COL9A2: variants seen among roughly 807,000 people sequenced by gnomAD.
COL9A2 encodes collagen type IX alpha 2 chain, also known as collagen alpha-2(IX) chain.
In COL9A2, 66 loss-of-function variants were observed where a neutral mutation model predicts 111.6. The ratio of observed to expected loss-of-function variants is 0.59; its 90% CI spans 0.48 to 0.73. The LOEUF (loss-of-function observed/expected upper bound fraction) is 0.73. Among genes scored for constraint, COL9A2 ranks in the 30% least tolerant of loss-of-function variants. The pLI is 0.00. For missense variants in COL9A2, 881 were observed against 954.1 expected (o/e 0.92, Z 1.01); for synonymous variants, 353 against 364.1 (o/e 0.97, Z 0.35).
Position 40,303,957 on chromosome 1 carries a change from C to G in COL9A2, c.1339G>C (p.Ala447Pro). The change falls in exon 26 of 32, where the codon GCC becomes CCC. Residue 447 changes from alanine to proline, a missense_variant. Coordinates refer to ENST00000372748, the MANE Select transcript of COL9A2 (RefSeq NM_001852.4). The surrounding 1 kb of genome is among the most constrained non-coding windows in gnomAD (Gnocchi z 4.6). ...TCGCCTTTCTCTCCGGGGAGGCCGG[C>G]CACCCCTGGGTCACCCTGCAGAGAG... ...PRGKVGDPGVAGLPGEKGEKG... is the reference protein window; with the variant it reads ...PRGKVGDPGVPGLPGEKGEKG... 1 of 1,562,730 alleles carries G rather than the reference C, an allele frequency of 6.4e-7. No homozygotes were observed. Among genetic ancestry groups the G allele is most frequent in the Non-Finnish European group, 8.7e-7 (1 of 1,153,120 alleles).
Position 40,303,861 on chromosome 1 carries a change from G to C in COL9A2, c.1369-22C>G. 1 of 1,551,692 alleles carries C rather than the reference G, an allele frequency of 6.4e-7. No homozygotes were observed. Reference sequence around the variant, plus strand: ...CGCCCTGCAGGCACAAGGAGCAGCGGTCACGAAGCCGCGGGGACCCCGGGG... The same window carrying C: ...CGCCCTGCAGGCACAAGGAGCAGCGCTCACGAAGCCGCGGGGACCCCGGGG... On this transcript the variant is annotated intron_variant, in intron 26 of 31. Transcript: ENST00000372748. The surrounding 1 kb of genome is among the most constrained non-coding windows in gnomAD (Gnocchi z 4.6).
chr1:40,305,970 G>A (rs1332837224), intron 20 of COL9A2, among the ~76,000 whole-genome samples, 173 bp downstream of exon 20: 1 of 152,230 alleles, frequency 6.6e-6, no homozygotes, highest in Non-Finnish European at 1.5e-5. Flanking sequence ...TATCTGCACT[G>A]AGGCAGGCTG....
Position 40,314,476 on chromosome 1 carries a change from G to T in COL9A2, c.151-89C>A. On this transcript the variant is annotated intron_variant, in intron 2 of 31. Transcript: ENST00000372748. This position sits in a 1 kb window ranked among gnomAD's most constrained non-coding sequence, Gnocchi z 4.1. ...AGGCCCTGGCAGGCCGCTCCCAAAG[G>T]CTCTCCTCACTCTCCTCTCTTCTGT... 6.7e-7 allele frequency: 1 copy of T among 1,490,286 alleles called. No homozygotes were observed. Among genetic ancestry groups the T allele is most frequent in the Non-Finnish European group, 9.4e-7 (1 of 1,068,052 alleles). 92.3% of individuals were successfully genotyped at this position (1,490,286 alleles called of 1,614,324 possible).
rs1296663925 is a variant in COL9A2, at chr1:40,314,387, C to T, written c.151G>A (p.Gly51Ser). ...PGVPGSDGIDGDNGPPGKAGP... is the reference protein window; with the variant it reads ...PGVPGSDGIDSDNGPPGKAGP... Reference sequence around the variant, plus strand: ...GCTTTTCCAGGGGGCCCATTGTCACCCTGCAAGATACAAGTTGGTGAGACA... The same window carrying T: ...GCTTTTCCAGGGGGCCCATTGTCACTCTGCAAGATACAAGTTGGTGAGACA... The change falls in exon 3 of 32, where the codon GGT (glycine) becomes AGT (serine). Residue 51 changes from glycine (G) to serine (S), a missense_variant and splice_region_variant. By Grantham distance (56) the Gly-to-Ser change is moderately conservative. Coordinates refer to ENST00000372748, the MANE Select transcript of COL9A2 (RefSeq NM_001852.4). This position sits in a 1 kb window ranked among gnomAD's most constrained non-coding sequence, Gnocchi z 4.1. 10 of 1,614,030 alleles carry T rather than the reference C, an allele frequency of 6.2e-6. No individual in the cohort carries two copies. The highest frequency in any genetic ancestry group is 8.5e-6 in the Non-Finnish European group (10 of 1,180,038).
rs1017030218 is a variant in COL9A2 at position 40,303,432 on chromosome 1, C to G, written c.1548+98G>C. ...GGCTTGGAACCAGTCTCGGGGAAGT[C>G]GGTGAGTCTCTGGGAATCCCTAGCC... On this transcript the variant is annotated intron_variant, in intron 28 of 31. Coordinates refer to ENST00000372748, the MANE Select transcript of COL9A2 (RefSeq NM_001852.4). The surrounding 1 kb of genome is among the most constrained non-coding windows in gnomAD (Gnocchi z 4.6). The G allele has an allele frequency of 2.6e-6, 4 of 1,519,442 alleles. No homozygotes were observed. The highest frequency in any genetic ancestry group is 2.8e-5 in the African/African-American group (2 of 72,500). 94.1% of individuals were successfully genotyped at this position (1,519,442 alleles called of 1,614,324 possible).
At chr1:40,315,527 G>T in intron 2 of COL9A2, 63 bp downstream of exon 2, 1 of 1,426,072 alleles carries the variant, frequency 7.0e-7, no homozygotes, top group Non-Finnish European at 9.6e-7. Context: ...CCACCACAGC[G>T]CTCACAAAGT....
chr1:40,308,329 T>G, intron 16 of COL9A2, 84 bp from the exon 17 acceptor site: 1 of 1,419,222 alleles, frequency 7.0e-7, no homozygotes, highest in Non-Finnish European at 9.8e-7. Context: ...CTGAGAACAG[T>G]GGCCTCTAGG....
chr1:40,311,319 T>G lies in COL9A2; in HGVS notation c.520-33A>C, dbSNP rs1173614892. The G allele has an allele frequency of 1.9e-6, 3 of 1,610,396 alleles. No homozygotes were observed. The highest frequency in any genetic ancestry group is 2.5e-6 in the Non-Finnish European group (3 of 1,178,304). The stretch of plus-strand genomic sequence containing the variant: ...CAGAAAATCCCACAGGGTCCTGTGA[T>G]CAGCTGGGCAGTGCGCCCCCATCTC... On this transcript the variant is annotated intron_variant, in intron 10 of 31. Transcript: ENST00000372748. This position sits in a 1 kb window ranked among gnomAD's most constrained non-coding sequence, Gnocchi z 5.1.
rs991818987 is a variant in COL9A2 at position 40,307,574 on chromosome 1, T to G, written c.955-75A>C. On this transcript the variant is annotated intron_variant, in intron 18 of 31. Transcript: ENST00000372748. The surrounding 1 kb of genome is among the most constrained non-coding windows in gnomAD (Gnocchi z 4.8). The stretch of plus-strand genomic sequence containing the variant: ...GCCATGGCTTCTACCCAGATGCAGG[T>G]AGGGAAACTGAGATCCAGAGGCAAG... 1.5e-5 allele frequency: 24 copies of G among 1,592,670 alleles called. No homozygotes were observed. The African/African-American group carries it at 3.0e-4, about 20-fold the overall frequency.
Position 40,307,755 on chromosome 1 carries a change from C to A in COL9A2, c.902G>T (p.Gly301Val), listed in dbSNP as rs372191928. The A allele has an allele frequency of 1.2e-6, 2 of 1,614,072 alleles. No individual in the cohort carries two copies. The highest frequency in any genetic ancestry group is 8.5e-7 in the Non-Finnish European group (1 of 1,179,988). Residue 301 changes from glycine (G) to valine (V), a missense_variant and splice_region_variant, in exon 18 of 32, where the codon GGC becomes GTC. Physicochemically the swap from Gly to Val is moderately radical, Grantham distance 109 (BLOSUM62 -3). Transcript: ENST00000372748. This position sits in a 1 kb window ranked among gnomAD's most constrained non-coding sequence, Gnocchi z 4.8. ...ATCCTTGCCGTTGATGCCTGGGGGG[C>A]CCTACCCAGGAGGAAAGTTCAAGGG... ...QGITGPKGAT[G>V]PPGINGKDGT...
intron 21 of COL9A2, 143 bp from the exon 22 acceptor site, chr1:40,304,990 G>A: frequency 1.6e-6 from 1 of 622,544 alleles, no homozygotes; most frequent in East Asian, 2.8e-5. Context: ...CATGGTTTTG[G>A]GTCCCTGTAG....
At position 40,311,376 on chromosome 1, in the gene COL9A2, G is replaced by C; in HGVS notation, c.520-90C>G. 6.4e-7 allele frequency: 1 copy of C among 1,573,448 alleles called. No homozygotes were observed. The highest frequency in any genetic ancestry group is 8.7e-7 in the Non-Finnish European group (1 of 1,153,610). On this transcript the variant is annotated intron_variant, in intron 10 of 31. Transcript: ENST00000372748. The surrounding 1 kb of genome is among the most constrained non-coding windows in gnomAD (Gnocchi z 5.1). ...CCCCGTGCTCTCCTCCGCCTCACCTGGTGGAACCCCTGCACTGCAGCCCCT... is the reference window on the plus strand; with the variant it reads ...CCCCGTGCTCTCCTCCGCCTCACCTCGTGGAACCCCTGCACTGCAGCCCCT...
Position 40,307,602 on chromosome 1 carries a change from A to G in COL9A2, c.954+101T>C. 1.3e-6 allele frequency: 2 copies of G among 1,585,684 alleles called. No individual in the cohort carries two copies. Among genetic ancestry groups the G allele is most frequent in the Non-Finnish European group, 1.7e-6 (2 of 1,158,286 alleles). ...GGAAACTGAGATCCAGAGGCAAGAA[A>G]GGGCATGTCCATGACCTGAGGACCC... On this transcript the variant is annotated intron_variant, in intron 18 of 31. Transcript: ENST00000372748. The surrounding 1 kb of genome is among the most constrained non-coding windows in gnomAD (Gnocchi z 4.8).
chr1:40,310,612 A>C lies in COL9A2; in HGVS notation c.684+102T>G. Reference sequence around the variant, plus strand: ...TCCAGAGATGCTCCCAGCTAGACACAGGTGTCTCTTTTACAAGCTAGAGGC... The same window carrying C: ...TCCAGAGATGCTCCCAGCTAGACACCGGTGTCTCTTTTACAAGCTAGAGGC... On this transcript the variant is annotated intron_variant, in intron 13 of 31. Transcript: ENST00000372748. The surrounding 1 kb of genome is among the most constrained non-coding windows in gnomAD (Gnocchi z 4.9). 1 of 1,062,814 alleles carries C rather than the reference A, an allele frequency of 9.4e-7. No homozygotes were observed. Among genetic ancestry groups the C allele is most frequent in the Non-Finnish European group, 1.4e-6 (1 of 701,666 alleles). 65.8% of individuals were successfully genotyped at this position (1,062,814 alleles called of 1,614,324 possible). A position where few individuals can be genotyped will look rare whatever the true frequency, so the allele number is the denominator to read the frequency against.
Position 40,314,282 on chromosome 1 carries a change from T to C in COL9A2, c.187-15A>G. The C allele has an allele frequency of 6.2e-7, 1 of 1,613,984 alleles. No homozygotes were observed. The highest frequency in any genetic ancestry group is 8.5e-7 in the Non-Finnish European group (1 of 1,179,986). On this transcript the variant is annotated splice_polypyrimidine_tract_variant and intron_variant, in intron 3 of 31. Transcript: ENST00000372748. The surrounding 1 kb of genome is among the most constrained non-coding windows in gnomAD (Gnocchi z 4.1). Reference sequence around the variant, plus strand: ...CCCTTGGGTCCCTTGAAAACAGAGATGGAACAAACATGAGCCAGAGGAGGG... The same window carrying C: ...CCCTTGGGTCCCTTGAAAACAGAGACGGAACAAACATGAGCCAGAGGAGGG...
In COL9A2 at chr1:40,316,653, G is replaced by C. The variant is rs1216883781; in HGVS notation, c.75+470C>G. The C allele has an allele frequency of 2.3e-6, 1 of 438,326 alleles. No homozygotes were observed. The highest frequency in any genetic ancestry group is 2.5e-5 in the Admixed American group (1 of 40,316). 27.2% of individuals were successfully genotyped at this position (438,326 alleles called of 1,614,324 possible). On this transcript the variant is annotated intron_variant, in intron 1 of 31. Transcript: ENST00000372748. This position sits in a 1 kb window ranked among gnomAD's most constrained non-coding sequence, Gnocchi z 5.5. ...ACCGGGCCCAGTCTCTGCCCTACCC[G>C]CGCGCCCGCAGCCCCCGGCGGCCCT... is the stretch of plus-strand genomic sequence containing the variant.
Position 40,303,975 on chromosome 1 carries a change from G to T in COL9A2, c.1324-3C>A, listed in dbSNP as rs780136485. Reference sequence around the variant, plus strand: ...AGGCCGGCCACCCCTGGGTCACCCTGCAGAGAGAACCACGGGTCAGACGCG... The same window carrying T: ...AGGCCGGCCACCCCTGGGTCACCCTTCAGAGAGAACCACGGGTCAGACGCG... On this transcript the variant is annotated splice_polypyrimidine_tract_variant and splice_region_variant and intron_variant, in intron 25 of 31. Coordinates refer to ENST00000372748, the MANE Select transcript of COL9A2 (RefSeq NM_001852.4). The surrounding 1 kb of genome is among the most constrained non-coding windows in gnomAD (Gnocchi z 4.6). 13 of 1,567,068 alleles carry T rather than the reference G, an allele frequency of 8.3e-6. No individual in the cohort carries two copies. The Admixed American group carries it at 9.5e-5, about 11-fold the overall frequency.
chr1:40,308,310 G>C lies in COL9A2; in HGVS notation c.847-65C>G, dbSNP rs577968137. The C allele has an allele frequency of 2.3e-4, 350 of 1,533,318 alleles. 1 individual carries two copies. The highest frequency in any genetic ancestry group is 3.0e-4 in the Non-Finnish European group (337 of 1,121,302). 95.0% of individuals were successfully genotyped at this position (1,533,318 alleles called of 1,614,324 possible). On this transcript the variant is annotated intron_variant, in intron 16 of 31. Transcript: ENST00000372748. Reference sequence around the variant, plus strand: ...GGGCCCCTGTCTGGCTGTGCAGAGAGGGGAACCACTGAGAACAGTGGCCTC... The same window carrying C: ...GGGCCCCTGTCTGGCTGTGCAGAGACGGGAACCACTGAGAACAGTGGCCTC...
chr1:40,308,380 C>G, intron 16 of COL9A2, 135 bp from the exon 17 acceptor site: 1 of 903,848 alleles, frequency 1.1e-6, no homozygotes, highest in South Asian at 1.4e-5. Flanking sequence ...ATGCAGGGGC[C>G]GGAGGAGAGA....
Sources: allele counts gnomAD v4.1 joint callset (sites outside exome capture counted in the v4.1 genomes callset), GRCh38; gene constraint gnomAD v4.1.1; non-coding constraint Gnocchi (gnomAD v3.1); transcripts MANE v1.5; gene names NCBI Gene and HGNC (gene_info 2026-07-23, HGNC 2026-07-21).